The following CDH13 variants were observed in gnomAD, a reference collection of about 807,000 sequenced individuals.
The protein encoded by CDH13 is cadherin-13.
Under a neutral mutation model 63.8 loss-of-function variants are expected in CDH13, and 24 were observed. The observed-to-expected ratio is 0.38, with a 90% CI of 0.27 to 0.53. The LOEUF (loss-of-function observed/expected upper bound fraction) is 0.53, where lower values mean the gene tolerates loss of function less well. Ranked by LOEUF, CDH13 falls within the 20% of genes least tolerant of loss-of-function variation. CDH13 has a pLI of 0.85. For synonymous variants in CDH13, 503 were observed against 355.3 expected (o/e 1.42, Z -4.67); for missense variants, 1,049 against 903.1 (o/e 1.16, Z -2.07).
intron 1 of CDH13, among the ~76,000 whole-genome samples, chr16:82,857,505 C>T (rs1447496151): frequency 6.6e-6 from 1 of 152,166 alleles, no homozygotes; most frequent in Non-Finnish European, 1.5e-5. Context: ...CACTAAGTCA[C>T]ACCTTGCCCA....
intron 1 of CDH13, among the ~76,000 whole-genome samples, chr16:82,804,733 C>G (rs1262262099): frequency 6.6e-6 from 1 of 152,180 alleles, no homozygotes. Context: ...AATGAAAACA[C>G]TTTCCCCAAA....
chr16:83,239,852 A>G (rs920221020), intron 5 of CDH13, among the ~76,000 whole-genome samples: 2 of 152,150 alleles, frequency 1.3e-5, no homozygotes, highest in Admixed American at 6.5e-5. Context: ...GACCAGGAGG[A>G]TGGGGAATTT....
At chr16:82,742,320 C>A (rs573456054) in intron 1 of CDH13, among the ~76,000 whole-genome samples, 2 of 151,948 alleles carry the variant, frequency 1.3e-5, no homozygotes, top group East Asian at 3.9e-4. Context: ...TTATTTTTTT[C>A]TTTTTGCCTT....
chr16:83,226,637 C>A (rs1178623914), intron 5 of CDH13, among the ~76,000 whole-genome samples: 2 of 152,172 alleles, frequency 1.3e-5, no homozygotes, highest in Non-Finnish European at 2.9e-5. Flanking sequence ...AATTACTTGG[C>A]GGCATTTTCT....
At chr16:83,441,060 T>G (rs932511671) in intron 6 of CDH13, among the ~76,000 whole-genome samples, 3 of 152,224 alleles carry the variant, frequency 2.0e-5, no homozygotes, top group Non-Finnish European at 4.4e-5. Flanking sequence ...TTATCTGTTC[T>G]TTCATCAGAG....
At chr16:83,234,563 C>T (rs1230458198) in intron 5 of CDH13, among the ~76,000 whole-genome samples, 1 of 152,162 alleles carries the variant, frequency 6.6e-6, no homozygotes, top group Non-Finnish European at 1.5e-5. Flanking sequence ...AACAGCTAGG[C>T]TTGACTGAGC....
intron 4 of CDH13, among the ~76,000 whole-genome samples, chr16:83,209,835 G>A (rs2039288512): frequency 2.6e-5 from 4 of 152,136 alleles, no homozygotes; most frequent in African/African-American, 9.6e-5. Flanking sequence ...AAGGGTCAGG[G>A]GAAGGTTCAG....
At chr16:83,665,632 T>A (rs1039682779) in intron 8 of CDH13, among the ~76,000 whole-genome samples, 11 of 152,224 alleles carry the variant, frequency 7.2e-5, no homozygotes, top group Middle Eastern at 3.2e-3. Flanking sequence ...AAGTTCCATA[T>A]TAGTTCTCTG....
chr16:83,704,566 C>A (rs1457241822), intron 10 of CDH13, among the ~76,000 whole-genome samples: 1 of 152,210 alleles, frequency 6.6e-6, no homozygotes, highest in African/African-American at 2.4e-5. Context: ...CTGCCCACAG[C>A]CCCGCTGCCA....
chr16:83,352,720 C>G (rs2090979443), intron 6 of CDH13, among the ~76,000 whole-genome samples: 1 of 152,124 alleles, frequency 6.6e-6, no homozygotes, highest in African/African-American at 2.4e-5. Flanking sequence ...GAAACCCCGT[C>G]TCTACTAAAA....
At chr16:83,508,106 A>AGGAAGGAG (rs2074456003) in intron 7 of CDH13, among the ~76,000 whole-genome samples, 1 of 68,116 alleles carries the variant, frequency 1.5e-5, no homozygotes, top group Admixed American at 1.6e-4. Context: ...GAAAGAAGGA[A>AGGAAGGAG]GGAAAAGGAA....
chr16:83,000,124 G>A (rs1432989224), intron 2 of CDH13, among the ~76,000 whole-genome samples: 1 of 149,540 alleles, frequency 6.7e-6, no homozygotes, highest in African/African-American at 2.5e-5. Flanking sequence ...GGAGCGTTTG[G>A]TACCTGGTAA....
At chr16:83,134,448 C>A (rs1463757760) in intron 4 of CDH13, among the ~76,000 whole-genome samples, 2 of 151,758 alleles carry the variant, frequency 1.3e-5, no homozygotes, top group Non-Finnish European at 2.9e-5. Context: ...CCTCGGCCTC[C>A]CAAAGTGCTG....
chr16:82,655,033 T>A (rs1255484916), intron 1 of CDH13, among the ~76,000 whole-genome samples: 1 of 152,208 alleles, frequency 6.6e-6, no homozygotes, highest in Non-Finnish European at 1.5e-5. Context: ...CAGGTAAGCT[T>A]CCAGAACTGG....
At chr16:82,846,633 T>C (rs2049686402) in intron 1 of CDH13, among the ~76,000 whole-genome samples, 1 of 152,240 alleles carries the variant, frequency 6.6e-6, no homozygotes, top group African/African-American at 2.4e-5. Flanking sequence ...AGCTACTTTT[T>C]AACTGATTCT....
chr16:83,446,208 C>G (rs1225841574), intron 6 of CDH13, among the ~76,000 whole-genome samples: 3 of 148,928 alleles, frequency 2.0e-5, no homozygotes, highest in South Asian at 2.1e-4. Flanking sequence ...GAGGCTGAGG[C>G]AAGAGAATCG....
chr16:83,046,507 T>C (rs904855670), intron 3 of CDH13, among the ~76,000 whole-genome samples: 5 of 152,226 alleles, frequency 3.3e-5, no homozygotes, highest in African/African-American at 1.2e-4. Flanking sequence ...GAGAATTTTA[T>C]ACATCAATAC....
intron 8 of CDH13, among the ~76,000 whole-genome samples, chr16:83,618,209 A>G (rs552801706): frequency 9.7e-4 from 147 of 152,028 alleles, no homozygotes; most frequent in Non-Finnish European, 4.6e-4. Flanking sequence ...CTGATCGCCT[A>G]AGCTCAGGAG....
chr16:83,094,806 C>T (rs1182197621), intron 3 of CDH13, among the ~76,000 whole-genome samples: 2 of 152,198 alleles, frequency 1.3e-5, no homozygotes, highest in African/African-American at 4.8e-5. Context: ...AAGGCGTGGG[C>T]ATACGCAATT....
Sources: allele counts gnomAD v4.1 joint callset (sites outside exome capture counted in the v4.1 genomes callset), GRCh38; gene constraint gnomAD v4.1.1; transcripts MANE v1.5; gene names NCBI Gene and HGNC (gene_info 2026-07-23, HGNC 2026-07-21).